Variants in GSTO1 observed in about 807,000 individuals in gnomAD.
The protein encoded by GSTO1 is glutathione S-transferase omega 1, also known as glutathione S-transferase omega-1.
In GSTO1, 27 loss-of-function variants were observed where a neutral mutation model predicts 23.8. The ratio of observed to expected loss-of-function variants is 1.13; its 90% CI spans 0.83 to 1.56. GSTO1 has a LOEUF of 1.56. Among genes scored for constraint, GSTO1 ranks in the 40% most tolerant of loss-of-function variants. GSTO1 has a pLI of 0.00. For missense variants in GSTO1, 255 were observed against 285.8 expected (o/e 0.89, Z 0.78); for synonymous variants, 105 against 109.3 (o/e 0.96, Z 0.25).
chr10:104,256,344 A>AT (rs1326884359), intron 2 of GSTO1, among the ~76,000 whole-genome samples: 1 of 152,166 alleles, frequency 6.6e-6, no homozygotes, highest in African/African-American at 2.4e-5. Flanking sequence ...GAAAAAAGAC[A>AT]TTTTTTGGTA....
chr10:104,260,835 G>C (rs1022187627), intron 3 of GSTO1, among the ~76,000 whole-genome samples: 4 of 152,208 alleles, frequency 2.6e-5, no homozygotes, highest in Non-Finnish European at 5.9e-5. Context: ...GACAGGAAGA[G>C]TGAGTCATCT....
At chr10:104,254,831 G>A, upstream of GSTO1, 2 of 1,221,626 alleles carry the variant, frequency 1.6e-6, no homozygotes, top group Non-Finnish European at 2.4e-6. Flanking sequence ...TTTGAGCTAA[G>A]GAGGAAGCGG....
At chr10:104,260,592 A>C (rs2135058335) in intron 3 of GSTO1, among the ~76,000 whole-genome samples, 1 of 152,348 alleles carries the variant, frequency 6.6e-6, no homozygotes, top group South Asian at 2.1e-4. Flanking sequence ...CTTAGCATCA[A>C]CACTGTGGAT....
At chr10:104,254,797 T>C (rs1204391416), upstream of GSTO1, 7 of 818,086 alleles carry the variant, frequency 8.6e-6, no homozygotes, top group South Asian at 4.4e-5. Flanking sequence ...CGGGTGGAGC[T>C]GGCGGCCGCC....
At chr10:104,263,363 C>G (rs780804431) in intron 4 of GSTO1, among the ~76,000 whole-genome samples, 2 of 152,196 alleles carry the variant, frequency 1.3e-5, no homozygotes, top group African/African-American at 2.4e-5. Context: ...CACGTTTCCA[C>G]AAGTTTTTAT....
intron 3 of GSTO1, among the ~76,000 whole-genome samples, chr10:104,261,663 G>T (rs928376028): frequency 2.0e-5 from 3 of 152,166 alleles, no homozygotes; most frequent in Non-Finnish European, 2.9e-5. Flanking sequence ...AAAAACAGAC[G>T]AAAGACCAGG....
At chr10:104,258,966 A>T (rs1176047248) in intron 2 of GSTO1, among the ~76,000 whole-genome samples, 1 of 152,242 alleles carries the variant, frequency 6.6e-6, no homozygotes, top group East Asian at 1.9e-4. Context: ...TAATAACCTC[A>T]CACTTGTCAA....
At position 104,267,226 on chromosome 10, in the gene GSTO1, C is replaced by T. The variant is rs749991764; in HGVS notation, c.573-26C>T. ...GTCATCCTAGTTGACCTAGCTCACA[C>T]CTTTCATTTTTTCCTCTTCCCACAG... is the stretch of plus-strand genomic sequence containing the variant. On this transcript the variant is annotated intron_variant, in intron 5 of 5. Coordinates refer to ENST00000369713, the MANE Select transcript of GSTO1 (RefSeq NM_004832.3). 4.1e-5 allele frequency: 64 copies of T among 1,574,678 alleles called. No homozygotes were observed. In the Middle Eastern group the frequency reaches 2.2e-3, roughly 54 times the overall value.
intron 2 of GSTO1, among the ~76,000 whole-genome samples, chr10:104,256,617 A>G (rs2091604104): frequency 6.6e-6 from 1 of 152,208 alleles, no homozygotes; most frequent in African/African-American, 2.4e-5. Context: ...GAGCCCGAGG[A>G]GGCTTTTACT....
At chr10:104,257,850 AT>A (rs1435884585) in intron 2 of GSTO1, among the ~76,000 whole-genome samples, 1 of 152,214 alleles carries the variant, frequency 6.6e-6, no homozygotes, top group African/African-American at 2.4e-5. Context: ...ATTTCCACAG[AT>A]TTATTCATTC....
intron 2 of GSTO1, among the ~76,000 whole-genome samples, chr10:104,259,007 G>A (rs1262186972): frequency 1.3e-5 from 2 of 152,160 alleles, no homozygotes; most frequent in Admixed American, 6.5e-5. Flanking sequence ...ACAAGTGTTA[G>A]CAAGGATGTG....
At chr10:104,262,255 C>A (rs1589845784) in intron 3 of GSTO1, among the ~76,000 whole-genome samples, 1 of 152,178 alleles carries the variant, frequency 6.6e-6, no homozygotes, top group Admixed American at 6.5e-5. Context: ...TACTTTCTGG[C>A]AGCCTCACAA....
Position 104,266,193 on chromosome 10 carries a change from A to AAG in GSTO1, c.572+5_572+6dup. The AAG allele has an allele frequency of 6.8e-7, 1 of 1,468,256 alleles. No individual in the cohort carries two copies. The highest frequency in any genetic ancestry group is 9.5e-7 in the Non-Finnish European group (1 of 1,047,396). 91.0% of individuals were successfully genotyped at this position (1,468,256 alleles called of 1,614,324 possible). A position where few individuals can be genotyped will look rare whatever the true frequency, so the allele number is the denominator to read the frequency against. Reference sequence around the variant, plus strand: ...CTGGAAGCAATGAAGTTAAATGAGTAAGATATTTGAATATTTTGTGCATAA... The same window carrying AAG: ...CTGGAAGCAATGAAGTTAAATGAGTAAGAGATATTTGAATATTTTGTGCATAA... On this transcript the variant is annotated splice_donor_region_variant and intron_variant, in intron 5 of 5. Transcript: ENST00000369713.
intron 3 of GSTO1, 72 bp from the exon 4 acceptor site, chr10:104,262,907 C>A: frequency 1.4e-6 from 1 of 705,596 alleles, no homozygotes; most frequent in South Asian, 1.7e-5. Flanking sequence ...AAGGGTTCTA[C>A]CATATTTTTA....
In GSTO1 at chr10:104,259,795, T is replaced by A; in HGVS notation, c.363T>A (p.Ser121=). The change falls in exon 3 of 6, where the codon TCT becomes TCA. Residue 121 remains serine (S), a synonymous_variant. Transcript: ENST00000369713. ...AGAAGATGATCTTAGAGTTGTTTTC[T>A]AAGGTTTGTGCATAAGAAATTTCAG... ...ACQKMILELF[S]KVPSLVGSFI... is the part of the protein sequence containing the mutation. 6.2e-7 allele frequency: 1 copy of A among 1,605,014 alleles called. No homozygotes were observed. Among genetic ancestry groups the A allele is most frequent in the Non-Finnish European group, 8.5e-7 (1 of 1,171,914 alleles).
intron 4 of GSTO1, among the ~76,000 whole-genome samples, chr10:104,263,514 C>A (rs1025742549): frequency 6.6e-6 from 1 of 152,068 alleles, no homozygotes; most frequent in Non-Finnish European, 1.5e-5. Context: ...TAAATATTTC[C>A]CACCAGAAAA....
At chr10:104,254,869 G>A, upstream of GSTO1, 4 of 1,537,592 alleles carry the variant, frequency 2.6e-6, no homozygotes, top group East Asian at 4.5e-5. Context: ...GGAAGGACGC[G>A]CCACCTACTT....
At chr10:104,255,973 T>G (rs2091601308) in intron 2 of GSTO1, among the ~76,000 whole-genome samples, 1 of 152,226 alleles carries the variant, frequency 6.6e-6, no homozygotes, top group South Asian at 2.1e-4. Context: ...GTCTGTTGAT[T>G]AGACATTTAT....
chr10:104,255,590 G>A (rs865986510), intron 2 of GSTO1, among the ~76,000 whole-genome samples: 13 of 152,210 alleles, frequency 8.5e-5, no homozygotes, highest in African/African-American at 2.7e-4. Context: ...GGTAGGTCAC[G>A]AATTCCTGGT....
Sources: allele counts gnomAD v4.1 joint callset (sites outside exome capture counted in the v4.1 genomes callset), GRCh38; gene constraint gnomAD v4.1.1; transcripts MANE v1.5; gene names NCBI Gene and HGNC (gene_info 2026-07-23, HGNC 2026-07-21).